Variants in CNTN6 observed in about 807,000 individuals in gnomAD.
The protein encoded by CNTN6 is contactin 6.
A neutral mutation model predicts 122.8 loss-of-function variants in CNTN6; 137 were observed. The ratio of observed to expected loss-of-function variants is 1.12; its 90% CI spans 0.97 to 1.29. The LOEUF is 1.29. Among genes scored for constraint, CNTN6 ranks in the 50% most tolerant of loss-of-function variants. CNTN6 has a pLI of 0.00. For missense variants in CNTN6, 1,634 were observed against 1,223.4 expected, an observed-to-expected ratio of 1.34 and a Z score of -5.01; for synonymous variants, 570 against 426.0, an observed-to-expected ratio of 1.34 and a Z score of -4.16.
At chr3:1,174,444 C>G (rs1487948580) in intron 2 of CNTN6, among the ~76,000 whole-genome samples, 3 of 152,138 alleles carry the variant, frequency 2.0e-5, no homozygotes, top group Non-Finnish European at 4.4e-5. Flanking sequence ...TTTTTAGCAG[C>G]ATCTCATGGA....
rs2125521673 is a variant in CNTN6 at position 1,220,726 on chromosome 3, C to G, written c.95C>G (p.Pro32Arg). ...LLSRPIFTQEPHDVIFPLDLS... is the reference protein window; with the variant it reads ...LLSRPIFTQERHDVIFPLDLS... ...AGCCGTCCTATTTTTACTCAGGAGC[C>G]ACATGATGTCATTTTTCCTTTGGAT... The change falls in exon 3 of 23, where the codon CCA becomes CGA. Residue 32 changes from proline (P) to arginine (R), a missense_variant. By Grantham distance (103) the Pro-to-Arg change is moderately radical. Transcript: ENST00000446702. 6.2e-7 allele frequency: 1 copy of G among 1,613,086 alleles called. No homozygotes were observed. Among genetic ancestry groups the G allele is most frequent in the South Asian group, 1.1e-5 (1 of 90,978 alleles).
At chr3:1,184,619 C>T (rs1221445186) in intron 2 of CNTN6, among the ~76,000 whole-genome samples, 1 of 151,976 alleles carries the variant, frequency 6.6e-6, no homozygotes, top group African/African-American at 2.4e-5. Flanking sequence ...CAAACTGAAG[C>T]CCAAATTTGT....
rs188980170 is a variant in CNTN6, at chr3:1,263,602, C to T, written c.359-14811C>T. Among the ~76,000 whole-genome samples, 3 of 152,168 alleles carry T rather than the reference C, an allele frequency of 2.0e-5. No homozygotes were observed. In the East Asian group the frequency reaches 5.8e-4, roughly 29 times the overall value. On this transcript the variant is annotated intron_variant, in intron 4 of 22. Coordinates refer to ENST00000446702, the MANE Select transcript of CNTN6 (RefSeq NM_001289080.2). ...ATTTGGTCTTTTGCTCTCTTCAATT[C>T]CTAAAGGAAATATTGTAGACTATGT... is the stretch of plus-strand genomic sequence containing the variant.
intron 2 of CNTN6, among the ~76,000 whole-genome samples, chr3:1,182,321 A>G (rs2093566702): frequency 6.6e-6 from 1 of 152,316 alleles, no homozygotes; most frequent in South Asian, 2.1e-4. Context: ...CCAGATTTCA[A>G]GGAGGTACTC....
At chr3:1,160,670 A>G (rs940722939) in intron 2 of CNTN6, among the ~76,000 whole-genome samples, 2 of 151,452 alleles carry the variant, frequency 1.3e-5, no homozygotes, top group African/African-American at 2.4e-5. Flanking sequence ...CGTAAAAAAA[A>G]AAAAAAAGAA....
At chr3:1,152,427 T>A (rs78288038) in intron 2 of CNTN6, among the ~76,000 whole-genome samples, 1 of 151,988 alleles carries the variant, frequency 6.6e-6, no homozygotes, top group East Asian at 1.9e-4. Context: ...GCATGAGACA[T>A]CACAACCGGT....
intron 12 of CNTN6, among the ~76,000 whole-genome samples, chr3:1,352,691 A>G (rs1705843484): frequency 6.6e-6 from 1 of 151,710 alleles, no homozygotes; most frequent in Non-Finnish European, 1.5e-5. Context: ...TCGAGTTAAA[A>G]CCTACACCTA....
chr3:1,249,489 G>A (rs1408585139), intron 4 of CNTN6, among the ~76,000 whole-genome samples: 1 of 152,162 alleles, frequency 6.6e-6, no homozygotes, highest in African/African-American at 2.4e-5. Flanking sequence ...CAAAGTAATA[G>A]GTTTTCAAAC....
At chr3:1,367,933 T>A (rs534916875) in intron 12 of CNTN6, among the ~76,000 whole-genome samples, 239 of 152,220 alleles carry the variant, frequency 1.6e-3, no homozygotes, top group Non-Finnish European at 2.7e-3. Flanking sequence ...GCTGTCTCTG[T>A]GGGATTTGCA....
chr3:1,204,667 C>T (rs998728060), intron 2 of CNTN6, among the ~76,000 whole-genome samples: 20 of 152,100 alleles, frequency 1.3e-4, no homozygotes, highest in African/African-American at 4.8e-4. Flanking sequence ...TGTCTCAATT[C>T]ATCTTGATTT....
intron 4 of CNTN6, among the ~76,000 whole-genome samples, chr3:1,228,194 G>C (rs545095323): frequency 2.0e-5 from 3 of 151,920 alleles, no homozygotes; most frequent in Admixed American, 1.3e-4. Flanking sequence ...AAAAAAAACA[G>C]GGAAAAGATC....
intron 5 of CNTN6, among the ~76,000 whole-genome samples, chr3:1,291,555 T>A (rs1264071470): frequency 6.6e-6 from 1 of 152,194 alleles, no homozygotes; most frequent in Admixed American, 6.5e-5. Flanking sequence ...ATCCGTAAGC[T>A]GAGACATGGC....
In CNTN6 at chr3:1,199,775, A is replaced by G. The variant is rs533334317; in HGVS notation, c.56-20912A>G. On this transcript the variant is annotated intron_variant, in intron 2 of 22. Coordinates refer to ENST00000446702, the MANE Select transcript of CNTN6 (RefSeq NM_001289080.2). Reference sequence around the variant, plus strand: ...AAGGAAACTCTCCATTATATTTTCTATTATCACTTGTGTTCTTGTCAATAT... The same window carrying G: ...AAGGAAACTCTCCATTATATTTTCTGTTATCACTTGTGTTCTTGTCAATAT... Among the ~76,000 whole-genome samples the G allele has an allele frequency of 2.6e-5, 4 of 152,240 alleles. No individual in the cohort carries two copies. The East Asian group carries it at 5.8e-4, about 22-fold the overall frequency.
chr3:1,226,377 A>G (rs1241959567), intron 3 of CNTN6, among the ~76,000 whole-genome samples: 1 of 152,174 alleles, frequency 6.6e-6, no homozygotes, highest in East Asian at 1.9e-4. Context: ...GATGGGGTTC[A>G]GGACATACCA....
intron 5 of CNTN6, among the ~76,000 whole-genome samples, chr3:1,278,729 A>G (rs540927870): frequency 3.9e-5 from 6 of 152,224 alleles, no homozygotes; most frequent in Non-Finnish European, 7.3e-5. Flanking sequence ...AAGGAGATAC[A>G]TCATGGCATT....
At chr3:1,394,872 A>G (rs1344868411) in intron 20 of CNTN6, among the ~76,000 whole-genome samples, 1 of 152,172 alleles carries the variant, frequency 6.6e-6, no homozygotes, top group Non-Finnish European at 1.5e-5. Context: ...ATTTTCGAAA[A>G]CAGTTAAATT....
intron 2 of CNTN6, among the ~76,000 whole-genome samples, chr3:1,177,749 T>G (rs535243507): frequency 5.3e-5 from 8 of 152,038 alleles, no homozygotes; most frequent in Admixed American, 2.6e-4. Context: ...AAGGGAAATA[T>G]TCTTTACTTT....
intron 1 of CNTN6, among the ~76,000 whole-genome samples, chr3:1,098,703 T>C (rs551433204): frequency 2.7e-5 from 4 of 148,566 alleles, no homozygotes; most frequent in Non-Finnish European, 6.0e-5. Flanking sequence ...TTTCACACTT[T>C]CACAAGACAA....
intron 5 of CNTN6, among the ~76,000 whole-genome samples, chr3:1,288,539 C>A (rs758951764): frequency 2.2e-4 from 34 of 152,106 alleles, no homozygotes; most frequent in Non-Finnish European, 1.2e-4. Flanking sequence ...CTGGAATATT[C>A]CAAAGGGGGG....
Sources: allele counts gnomAD v4.1 joint callset (sites outside exome capture counted in the v4.1 genomes callset), GRCh38; gene constraint gnomAD v4.1.1; transcripts MANE v1.5; gene names NCBI Gene and HGNC (gene_info 2026-07-23, HGNC 2026-07-21).